SLC38A4: variants seen among roughly 807,000 people sequenced by gnomAD.
The protein encoded by SLC38A4 is solute carrier family 38 member 4, also known as sodium-coupled neutral amino acid transporter 4.
A neutral mutation model predicts 63.1 loss-of-function variants in SLC38A4; 20 were observed. That is an observed-to-expected ratio of 0.32 (90% CI 0.22 to 0.46). SLC38A4 has a LOEUF of 0.46. SLC38A4 is among the 20% of genes least tolerant of loss of function. SLC38A4 has a pLI of 1.00. For missense variants in SLC38A4, 526 were observed against 663.6 expected, an observed-to-expected ratio of 0.79 and a Z score of 2.28; for synonymous variants, 230 against 225.5, an observed-to-expected ratio of 1.02 and a Z score of -0.18.
chr12:46,773,483 GT>G (rs2120751928), intron 14 of SLC38A4, among the ~76,000 whole-genome samples: 1 of 152,166 alleles, frequency 6.6e-6, no homozygotes, highest in South Asian at 2.1e-4. Context: ...ACAGCAGTTA[GT>G]CATTTTTCTG....
intron 1 of SLC38A4, among the ~76,000 whole-genome samples, chr12:46,815,655 T>G (rs1311991800): frequency 6.6e-6 from 1 of 151,874 alleles, no homozygotes; most frequent in Non-Finnish European, 1.5e-5. Context: ...AATCTATTCA[T>G]AAGCAGTAGA....
At chr12:46,803,344 C>T (rs966812313) in intron 2 of SLC38A4, among the ~76,000 whole-genome samples, 6 of 152,066 alleles carry the variant, frequency 3.9e-5, no homozygotes, top group Admixed American at 3.9e-4. Context: ...TGCAATGTTT[C>T]CCTTTCTTAT....
At position 46,818,985 on chromosome 12, in the gene SLC38A4, A is replaced by G. The variant is rs185011530; in HGVS notation, c.-305+6918T>C. ...AATTAGGCAACATATAGCCTGGAGG[A>G]TCCTCAGGGCAACAGAAGAAGAAAT... is the stretch of plus-strand genomic sequence containing the variant. On this transcript the variant is annotated intron_variant, in intron 1 of 16. Coordinates refer to ENST00000266579, the MANE Select transcript of SLC38A4 (RefSeq NM_018018.5). Among the ~76,000 whole-genome samples, 137 of 151,918 alleles carry G rather than the reference A, an allele frequency of 9.0e-4. 1 individual carries two copies. Among genetic ancestry groups the G allele is most frequent in the African/African-American group, 3.2e-3 (131 of 41,516 alleles).
At chr12:46,789,083 A>G (rs1028228951) in intron 3 of SLC38A4, among the ~76,000 whole-genome samples, 19 of 152,076 alleles carry the variant, frequency 1.2e-4, no homozygotes, top group Admixed American at 7.2e-4. Context: ...AAATATCCCT[A>G]TAGGGAACTG....
At chr12:46,805,373 C>A (rs1249276524) in intron 1 of SLC38A4, among the ~76,000 whole-genome samples, 2 of 152,034 alleles carry the variant, frequency 1.3e-5, no homozygotes, top group Non-Finnish European at 2.9e-5. Context: ...CACATGAAAA[C>A]TAATTTGGCA....
rs765315367 is a variant in SLC38A4, at chr12:46,766,798, A to G, written c.1547T>C (p.Leu516Ser). 6.2e-7 allele frequency: 1 copy of G among 1,606,760 alleles called. No homozygotes were observed. Among genetic ancestry groups the G allele is most frequent in the South Asian group, 1.1e-5 (1 of 90,484 alleles). The change falls in exon 17 of 17, where the codon TTA (leucine) becomes TCA (serine). Residue 516 changes from leucine (L) to serine (S), a missense_variant. Physicochemically the swap from Leu to Ser is moderately radical, Grantham distance 145 (BLOSUM62 -2). Coordinates refer to ENST00000266579, the MANE Select transcript of SLC38A4 (RefSeq NM_018018.5). ...TFRSPQKVGA[L>S]IFLVVGIFFM... ...GAATATTCCAACCACAAGGAAAATT[A>G]AAGCCTGTAATTCAGAGAGACTCTG...
chr12:46,776,076 T>G (rs1938519045), intron 13 of SLC38A4, among the ~76,000 whole-genome samples: 1 of 151,990 alleles, frequency 6.6e-6, no homozygotes, highest in South Asian at 2.1e-4. Flanking sequence ...CCTCCACAAT[T>G]TGTCATACAT....
At chr12:46,823,194 G>A (rs1350072953) in intron 1 of SLC38A4, among the ~76,000 whole-genome samples, 2 of 152,072 alleles carry the variant, frequency 1.3e-5, no homozygotes, top group African/African-American at 4.8e-5. Context: ...AACAGTATAA[G>A]AGCGGTATGC....
At chr12:46,774,391 T>G (rs1938481792) in intron 14 of SLC38A4, among the ~76,000 whole-genome samples, 1 of 152,038 alleles carries the variant, frequency 6.6e-6, no homozygotes, top group South Asian at 2.1e-4. Context: ...TGGTTTTAAC[T>G]CACACAGCCC....
At chr12:46,786,161 T>C (rs370367337) in intron 5 of SLC38A4, among the ~76,000 whole-genome samples, 4 of 152,136 alleles carry the variant, frequency 2.6e-5, no homozygotes, top group Admixed American at 6.6e-5. Flanking sequence ...ATATGCCTTA[T>C]GAACTTAACT....
chr12:46,776,856 A>G (rs370296366), intron 13 of SLC38A4, 48 bp downstream of exon 13: 165 of 1,541,696 alleles, frequency 1.1e-4, no homozygotes, highest in Non-Finnish European at 1.4e-4. Context: ...GTCAAGGACC[A>G]GCCTAACAAG....
chr12:46,831,085 T>G (rs980830788), intron 1 of SLC38A4, among the ~76,000 whole-genome samples: 3 of 152,176 alleles, frequency 2.0e-5, no homozygotes, highest in Admixed American at 2.0e-4. Flanking sequence ...GTAAGGGCAA[T>G]CTTCCATCTC....
At chr12:46,820,094 G>A (rs1200979527) in intron 1 of SLC38A4, among the ~76,000 whole-genome samples, 1 of 151,924 alleles carries the variant, frequency 6.6e-6, no homozygotes, top group Admixed American at 6.6e-5. Flanking sequence ...GATTGGACAT[G>A]TCTATACACT....
intron 1 of SLC38A4, among the ~76,000 whole-genome samples, chr12:46,814,035 T>C (rs368723467): frequency 1.1e-3 from 166 of 152,160 alleles, no homozygotes; most frequent in African/African-American, 3.6e-3. Flanking sequence ...TCTTTAATAC[T>C]GGGTCTAATG....
chr12:46,800,555 T>A (rs553538962), intron 2 of SLC38A4, among the ~76,000 whole-genome samples: 2 of 152,076 alleles, frequency 1.3e-5, no homozygotes, highest in African/African-American at 4.8e-5. Context: ...AACCTGAAAA[T>A]CTTTAAAGGC....
Position 46,787,916 on chromosome 12 carries a change from A to T in SLC38A4, c.326T>A (p.Ile109Lys), listed in dbSNP as rs770993339. The T allele has an allele frequency of 1.9e-6, 3 of 1,609,302 alleles. No homozygotes were observed. Among genetic ancestry groups the T allele is most frequent in the Non-Finnish European group, 2.6e-6 (3 of 1,176,148 alleles). Residue 109 changes from isoleucine to lysine, a missense_variant and splice_region_variant, in exon 5 of 17, where the codon ATA becomes AAA. By Grantham distance (102) the Ile-to-Lys change is moderately radical. Transcript: ENST00000266579. The stretch of plus-strand genomic sequence containing the variant: ...AATGTAGACATATACATTCACTTAC[A>T]TAAAAAGTATGATCCCTGTGTTGGC... ...AMANTGIILF[I>K]IMLLAVAILS...
chr12:46,767,212 T>C (rs1053077275), intron 16 of SLC38A4, among the ~76,000 whole-genome samples: 4 of 149,980 alleles, frequency 2.7e-5, no homozygotes, highest in Non-Finnish European at 5.9e-5. Flanking sequence ...AAAAGCTTAA[T>C]AGATGTTGCA....
intron 1 of SLC38A4, among the ~76,000 whole-genome samples, chr12:46,815,475 A>C (rs1017241278): frequency 1.3e-5 from 2 of 151,544 alleles, no homozygotes; most frequent in African/African-American, 4.8e-5. Flanking sequence ...TTAGTAAAGA[A>C]GGCATGTGTC....
Position 46,779,778 on chromosome 12 carries a change from A to G in SLC38A4, c.658+2T>C. The G allele has an allele frequency of 6.2e-7, 1 of 1,604,600 alleles. No homozygotes were observed. Among genetic ancestry groups the G allele is most frequent in the Non-Finnish European group, 8.5e-7 (1 of 1,175,830 alleles). On this transcript the variant is annotated splice_donor_variant, in intron 9 of 16. Transcript: ENST00000266579. LOFTEE classifies it high-confidence loss of function. Reference sequence around the variant, plus strand: ...ATATTTCCAGTTAGAAAATATCTTTACCTAAATTTTTAAGGAGCGAAAGTG... The same window carrying G: ...ATATTTCCAGTTAGAAAATATCTTTGCCTAAATTTTTAAGGAGCGAAAGTG...
Sources: allele counts gnomAD v4.1 joint callset (sites outside exome capture counted in the v4.1 genomes callset), GRCh38; gene constraint gnomAD v4.1.1; transcripts MANE v1.5; gene names NCBI Gene and HGNC (gene_info 2026-07-23, HGNC 2026-07-21).